Variants in EPS15L1 observed in about 807,000 individuals in gnomAD.
The protein encoded by EPS15L1 is epidermal growth factor receptor substrate 15-like 1.
EPS15L1 carries 43 observed loss-of-function variants against 117.1 expected under a neutral mutation model. The ratio of observed to expected loss-of-function variants is 0.37; its 90% CI spans 0.29 to 0.47. The LOEUF (loss-of-function observed/expected upper bound fraction) is 0.47. Ranked by LOEUF, EPS15L1 falls within the 20% of genes least tolerant of loss-of-function variation. EPS15L1 has a pLI of 0.99. For synonymous variants in EPS15L1, 459 were observed against 470.5 expected (o/e 0.98, Z 0.32); for missense variants, 981 against 1,164.0 (o/e 0.84, Z 2.29).
At chr19:16,453,124 G>A (rs925006604) in intron 1 of EPS15L1, among the ~76,000 whole-genome samples, 2 of 151,962 alleles carry the variant, frequency 1.3e-5, no homozygotes, top group Non-Finnish European at 2.9e-5. Flanking sequence ...CATAGAGACA[G>A]AGACTTGCTC....
At chr19:16,434,134 G>A (rs2092956166) in intron 7 of EPS15L1, among the ~76,000 whole-genome samples, 1 of 152,220 alleles carries the variant, frequency 6.6e-6, no homozygotes, top group Non-Finnish European at 1.5e-5. Context: ...CATCTGTGAA[G>A]TGGAAGGATT....
intron 9 of EPS15L1, among the ~76,000 whole-genome samples, chr19:16,422,922 C>T (rs575704335): frequency 3.4e-5 from 5 of 148,686 alleles, no homozygotes; most frequent in East Asian, 2.0e-4. Flanking sequence ...TGTGCCACTG[C>T]ACTCCAGCCT....
chr19:16,439,508 G>A (rs1333740678), intron 4 of EPS15L1, among the ~76,000 whole-genome samples: 3 of 152,000 alleles, frequency 2.0e-5, no homozygotes, highest in Non-Finnish European at 4.4e-5. Context: ...CCTGGGCATA[G>A]TGAGACCTCG....
At chr19:16,368,860 T>C (rs1470349351) in intron 22 of EPS15L1, among the ~76,000 whole-genome samples, 2 of 152,210 alleles carry the variant, frequency 1.3e-5, no homozygotes, top group African/African-American at 2.4e-5. Context: ...ACAACACAGA[T>C]GCCCATACAA....
Position 16,421,407 on chromosome 19 carries a change from G to A in EPS15L1, c.862C>T (p.Leu288=), listed in dbSNP as rs776181828. 2 of 1,614,150 alleles carry A rather than the reference G, an allele frequency of 1.2e-6. No individual in the cohort carries two copies. Among genetic ancestry groups the A allele is most frequent in the Non-Finnish European group, 1.7e-6 (2 of 1,179,992 alleles). The change falls in exon 10 of 24, where the codon CTG becomes TTG. Residue 288 remains leucine, a synonymous_variant. Transcript: ENST00000455140. ...CCACTCACGTAGCCATCCAGGTCCA[G>A]GTCGGTCTTCAGGAATATCTCATCA... ...RFDEIFLKTD[L]DLDGYVSGQE... is the part of the protein sequence containing the mutation.
chr19:16,413,414 C>T (rs2092726462), intron 13 of EPS15L1: 2 of 725,850 alleles, frequency 2.8e-6, no homozygotes, highest in Non-Finnish European at 4.8e-6. Flanking sequence ...ACAAGGCCAC[C>T]TTTGATGCCA....
rs778161324 is a variant in EPS15L1, at chr19:16,385,150, G to A, written c.2226C>T (p.Ala742=). 19 of 1,613,968 alleles carry A rather than the reference G, an allele frequency of 1.2e-5. No individual in the cohort carries two copies. The highest frequency in any genetic ancestry group is 8.3e-5 in the Admixed American group (5 of 60,008). The change falls in exon 21 of 24, where the codon GCC becomes GCT. Residue 742 remains alanine, a synonymous_variant. Transcript: ENST00000455140. Reference sequence around the variant, plus strand: ...TTACCTTGGACATCTGGCTGAAGTCGGCAAAGCCTTCAGCACTATTGAAGG... The same window carrying A: ...TTACCTTGGACATCTGGCTGAAGTCAGCAAAGCCTTCAGCACTATTGAAGG... The part of the protein sequence containing the change: ...SGSFNSAEGF[A]DFSQMSKPPP...
At chr19:16,402,212 A>G (rs2144826268) in intron 16 of EPS15L1, 109 bp downstream of exon 16, 1 of 1,479,268 alleles carries the variant, frequency 6.8e-7, no homozygotes, top group Non-Finnish European at 9.0e-7. Flanking sequence ...AGCCGCCTGC[A>G]CTTGGCTGGA....
chr19:16,424,464 G>A (rs777578057), intron 9 of EPS15L1, among the ~76,000 whole-genome samples: 7 of 151,858 alleles, frequency 4.6e-5, no homozygotes, highest in South Asian at 2.1e-4. Context: ...CACTAGCTTC[G>A]TTGCCAGTAA....
At chr19:16,412,649 T>G (rs2144888950) in intron 13 of EPS15L1, 1 of 151,076 alleles carries the variant, frequency 6.6e-6, no homozygotes, top group East Asian at 2.0e-4. Flanking sequence ...ATATATATAT[T>G]TTTAAAAACT....
At chr19:16,395,209 A>G in intron 17 of EPS15L1, 135 bp downstream of exon 17, 1 of 929,032 alleles carries the variant, frequency 1.1e-6, no homozygotes, top group Non-Finnish European at 1.6e-6. Context: ...TCCAAAAAAA[A>G]AAAAAAAAAA....
chr19:16,448,623 C>G (rs2093109972), intron 1 of EPS15L1, among the ~76,000 whole-genome samples: 1 of 151,124 alleles, frequency 6.6e-6, no homozygotes, highest in Admixed American at 6.6e-5. Flanking sequence ...GTAGGCGGAT[C>G]ACCTGGGGTC....
chr19:16,453,885 A>AT (rs2093170051), intron 1 of EPS15L1, among the ~76,000 whole-genome samples: 1 of 123,022 alleles, frequency 8.1e-6, no homozygotes, highest in South Asian at 2.5e-4. Context: ...AAGAATTCCT[A>AT]TAAAAAAAAA....
chr19:16,433,704 C>T (rs142217610), intron 7 of EPS15L1, among the ~76,000 whole-genome samples: 84 of 151,916 alleles, frequency 5.5e-4, no homozygotes, highest in African/African-American at 1.8e-3. Context: ...TGGTGGCTCA[C>T]GCCTGTAATC....
intron 18 of EPS15L1, among the ~76,000 whole-genome samples, chr19:16,392,973 T>C (rs1433401813): frequency 6.6e-6 from 1 of 151,196 alleles, no homozygotes; most frequent in African/African-American, 2.4e-5. Context: ...GCCCAGGAGG[T>C]CAAGGCTGCA....
chr19:16,466,526 G>A (rs2093306935), intron 1 of EPS15L1, among the ~76,000 whole-genome samples: 1 of 152,126 alleles, frequency 6.6e-6, no homozygotes, highest in African/African-American at 2.4e-5. Flanking sequence ...CAGATTCACT[G>A]TTCCATCCAC....
At chr19:16,460,820 G>A (rs2093241731) in intron 1 of EPS15L1, among the ~76,000 whole-genome samples, 1 of 152,216 alleles carries the variant, frequency 6.6e-6, no homozygotes, top group Non-Finnish European at 1.5e-5. Context: ...CCATTTGTAG[G>A]GTGTGGGGGG....
chr19:16,377,096 G>A, intron 22 of EPS15L1, 26 bp downstream of exon 22: 2 of 1,576,372 alleles, frequency 1.3e-6, no homozygotes, highest in Non-Finnish European at 1.7e-6. Flanking sequence ...GTAGGCGGTG[G>A]CTGCGAGAGA....
intron 1 of EPS15L1, among the ~76,000 whole-genome samples, chr19:16,448,752 C>A (rs71336776): frequency 6.6e-6 from 1 of 152,008 alleles, no homozygotes; most frequent in African/African-American, 2.4e-5. Flanking sequence ...ACTGCTTGAA[C>A]CCAGCGGGCA....
Sources: allele counts gnomAD v4.1 joint callset (sites outside exome capture counted in the v4.1 genomes callset), GRCh38; gene constraint gnomAD v4.1.1; transcripts MANE v1.5; gene names NCBI Gene and HGNC (gene_info 2026-07-23, HGNC 2026-07-21).